The following CFAP100 variants were observed in gnomAD, a reference collection of about 807,000 sequenced individuals.
CFAP100 encodes the protein cilia and flagella associated protein 100.
A neutral mutation model predicts 81.5 loss-of-function variants in CFAP100; 70 were observed. The ratio of observed to expected loss-of-function variants is 0.86; its 90% CI spans 0.71 to 1.05. The LOEUF (loss-of-function observed/expected upper bound fraction) is 1.05, where lower values mean the gene tolerates loss of function less well. Ranked by LOEUF, CFAP100 falls within the 50% of genes least tolerant of loss-of-function variation. The probability of loss-of-function intolerance (pLI) is 0.00; values close to 1 mark genes in which losing one functional copy is unlikely to be tolerated. For synonymous variants in CFAP100, 341 were observed against 314.8 expected, an observed-to-expected ratio of 1.08 and a Z score of -0.88; for missense variants, 811 against 776.5, an observed-to-expected ratio of 1.04 and a Z score of -0.53.
intron 16 of CFAP100, 119 bp downstream of exon 16, chr3:126,435,771 G>C: frequency 2.7e-6 from 2 of 752,094 alleles, no homozygotes; most frequent in Non-Finnish European, 4.3e-6. Context: ...ATGAGGCTCT[G>C]AGGGAGACAG....
In CFAP100 at chr3:126,423,252, C is replaced by T. The variant is rs2083359692; in HGVS notation, c.1083-73C>T. 4 of 1,305,730 alleles carry T rather than the reference C, an allele frequency of 3.1e-6. No homozygotes were observed. In the South Asian group the frequency reaches 4.2e-5, roughly 14 times the overall value. The allele number at this position is 1,305,730 out of a possible 1,614,324, so 80.9% of individuals were successfully genotyped here. On this transcript the variant is annotated intron_variant, in intron 11 of 16. Transcript: ENST00000352312. ...GGGATGCTGCCAACGCCTTCAAGAC[C>T]TCTGTGCCCCCTCCCCTGGCTCCTG... is the stretch of plus-strand genomic sequence containing the variant.
At chr3:126,418,223 A>G in intron 5 of CFAP100, 1 of 549,834 alleles carries the variant, frequency 1.8e-6, no homozygotes, top group East Asian at 3.1e-5. Flanking sequence ...AGACACAGTA[A>G]GGACTTCCCA....
chr3:126,416,819 GA>G (rs755879797), intron 5 of CFAP100: 38 of 270,280 alleles, frequency 1.4e-4, no homozygotes, highest in Non-Finnish European at 2.3e-4. Flanking sequence ...GATATTTTGA[GA>G]AAGAGACCCT....
chr3:126,430,231 T>A (rs1445162067), intron 13 of CFAP100, among the ~76,000 whole-genome samples: 1 of 130,758 alleles, frequency 7.6e-6, no homozygotes, highest in Non-Finnish European at 1.7e-5. Context: ...CCATTATTTC[T>A]TTAAGTTCTC....
At chr3:126,417,265 T>C (rs1002142433) in intron 5 of CFAP100, among the ~76,000 whole-genome samples, 1 of 151,450 alleles carries the variant, frequency 6.6e-6, no homozygotes, top group South Asian at 2.1e-4. Context: ...TTGTGGGGAT[T>C]GAATGTGCTA....
intron 2 of CFAP100, 89 bp from the exon 3 acceptor site, chr3:126,407,083 T>A (rs2083074204): frequency 2.4e-6 from 2 of 837,956 alleles, no homozygotes; most frequent in Non-Finnish European, 4.0e-6. Context: ...CCTTTGTGTG[T>A]CTGAGACATT....
chr3:126,419,935 T>C (rs2271630), intron 9 of CFAP100, 45 bp from the exon 10 acceptor site: 1,459,044 of 1,612,668 alleles, frequency 0.9, 662,993 homozygotes, highest in Non-Finnish European at 0.93. Flanking sequence ...TGCTGAAGCT[T>C]GGCTGCAGCT....
At chr3:126,410,694 C>A (rs1022936668) in intron 3 of CFAP100, among the ~76,000 whole-genome samples, 1 of 152,120 alleles carries the variant, frequency 6.6e-6, no homozygotes, top group Non-Finnish European at 1.5e-5. Flanking sequence ...GAATCACTCT[C>A]CCAGTGAGGA....
chr3:126,415,974 CT>C (rs1290287856), intron 4 of CFAP100, among the ~76,000 whole-genome samples: 1 of 152,198 alleles, frequency 6.6e-6, no homozygotes, highest in Non-Finnish European at 1.5e-5. Context: ...TTCCCTGCCC[CT>C]GGGTTGGTCA....
chr3:126,403,827 ACC>A (rs1030529578), intron 2 of CFAP100, among the ~76,000 whole-genome samples: 8 of 152,226 alleles, frequency 5.3e-5, no homozygotes, highest in African/African-American at 1.7e-4. Context: ...AGAAGAAAAC[ACC>A]ATTTTTTTTT....
chr3:126,413,364 A>G (rs1366382862), intron 3 of CFAP100, among the ~76,000 whole-genome samples: 1 of 152,080 alleles, frequency 6.6e-6, no homozygotes, highest in African/African-American at 2.4e-5. Context: ...GAGCTGTCCT[A>G]GAGTTTTAAA....
At chr3:126,414,212 G>A (rs1276279375) in intron 4 of CFAP100, 33 bp downstream of exon 4, 3 of 1,510,882 alleles carry the variant, frequency 2.0e-6, no homozygotes, top group Non-Finnish European at 2.8e-6. Context: ...AGCACCTCCG[G>A]GAGCTTCCCT....
At chr3:126,419,601 T>A (rs767129679) in intron 8 of CFAP100, 36 bp from the exon 9 acceptor site, 42 of 1,599,502 alleles carry the variant, frequency 2.6e-5, no homozygotes, top group Non-Finnish European at 3.6e-5. Context: ...GAGGCTGACC[T>A]CCTCCTTCCC....
At chr3:126,416,602 G>C in intron 5 of CFAP100, 94 bp downstream of exon 5, 1 of 1,083,348 alleles carries the variant, frequency 9.2e-7, no homozygotes, top group African/African-American at 1.6e-5. Flanking sequence ...CACTCATCTT[G>C]CACAGATGGG....
intron 13 of CFAP100, among the ~76,000 whole-genome samples, chr3:126,432,306 GA>G (rs1441920135): frequency 1.4e-5 from 2 of 138,246 alleles, no homozygotes; most frequent in Non-Finnish European, 3.2e-5. Flanking sequence ...AAAAAAAAAG[GA>G]AAAAAGAAAG....
rs58954079 is a variant in CFAP100, at chr3:126,411,361, G to GTTTTTTTT, written c.131-2705_131-2698dup. Among the ~76,000 whole-genome samples, 196 of 35,384 alleles carry GTTTTTTTT rather than the reference G, an allele frequency of 5.5e-3. 32 individuals are homozygous for GTTTTTTTT. Among genetic ancestry groups the GTTTTTTTT allele is most frequent in the Non-Finnish European group, 7.2e-3 (154 of 21,538 alleles). 23.2% of individuals were successfully genotyped at this position (35,384 alleles called of 152,430 possible). On this transcript the variant is annotated intron_variant, in intron 3 of 16. Coordinates refer to ENST00000352312, the MANE Select transcript of CFAP100 (RefSeq NM_182628.3). ...TCTGTAGTTTTTTTTGTTGTTGTTG[G>GTTTTTTTT]TTTTTTTTTTTTTTTTTTTTTTTTT...
In CFAP100 at chr3:126,418,659, G is replaced by A. The variant is rs747791859; in HGVS notation, c.535G>A (p.Ala179Thr). 8 of 1,585,482 alleles carry A rather than the reference G, an allele frequency of 5.0e-6. No individual in the cohort carries two copies. Among genetic ancestry groups the A allele is most frequent in the Non-Finnish European group, 6.9e-6 (8 of 1,167,402 alleles). ...AGAGATCCAGCGGCTGGAGACGCTGGCGACCAAAGAGGAGGCCAGGCTGGA... is the reference window on the plus strand; with the variant it reads ...AGAGATCCAGCGGCTGGAGACGCTGACGACCAAAGAGGAGGCCAGGCTGGA... The part of the protein sequence containing the change: ...RREIQRLETL[A>T]TKEEARLERA... The change falls in exon 7 of 17, where the codon GCG becomes ACG. Residue 179 changes from alanine to threonine, a missense_variant. Physicochemically the swap from Ala to Thr is moderately conservative, Grantham distance 58. Coordinates refer to ENST00000352312, the MANE Select transcript of CFAP100 (RefSeq NM_182628.3).
At chr3:126,428,172 C>A (rs1371894942) in intron 13 of CFAP100, among the ~76,000 whole-genome samples, 1 of 152,166 alleles carries the variant, frequency 6.6e-6, no homozygotes, top group African/African-American at 2.4e-5. Context: ...GAATATTTTT[C>A]AGTGCTAAAA....
At chr3:126,416,643 G>C in intron 5 of CFAP100, 135 bp downstream of exon 5, 1 of 748,532 alleles carries the variant, frequency 1.3e-6, no homozygotes, top group South Asian at 2.0e-5. Flanking sequence ...GGAAAGGCCT[G>C]CCCTTTCTGT....
Sources: allele counts gnomAD v4.1 joint callset (sites outside exome capture counted in the v4.1 genomes callset), GRCh38; gene constraint gnomAD v4.1.1; transcripts MANE v1.5; gene names NCBI Gene and HGNC (gene_info 2026-07-23, HGNC 2026-07-21).